USP3: variants seen among roughly 807,000 people sequenced by gnomAD.
The protein encoded by USP3 is ubiquitin carboxyl-terminal hydrolase 3.
USP3 carries 20 observed loss-of-function variants against 72.3 expected under a neutral mutation model. The observed-to-expected ratio is 0.28, with a 90% confidence interval of 0.19 to 0.40. The LOEUF is 0.40. Ranked by LOEUF, USP3 falls within the 10% of genes least tolerant of loss-of-function variation. The probability of loss-of-function intolerance (pLI) is 1.00; values close to 1 mark genes in which losing one functional copy is unlikely to be tolerated. For missense variants in USP3, 479 were observed against 633.9 expected (o/e 0.76, Z 2.62); for synonymous variants, 222 against 225.3 (o/e 0.99, Z 0.13).
At chr15:63,511,856 T>G (rs1191777291) in intron 1 of USP3, among the ~76,000 whole-genome samples, 2 of 152,174 alleles carry the variant, frequency 1.3e-5, no homozygotes, top group African/African-American at 4.8e-5. Flanking sequence ...CAGTATACTT[T>G]GTTGATTCCA....
chr15:63,585,077 A>G (rs1475873950), intron 11 of USP3, among the ~76,000 whole-genome samples: 1 of 152,014 alleles, frequency 6.6e-6, no homozygotes, highest in Non-Finnish European at 1.5e-5. Context: ...AGTTTTTTTC[A>G]TTGGTCTGTA....
intron 11 of USP3, among the ~76,000 whole-genome samples, chr15:63,580,548 C>T (rs1369489457): frequency 6.7e-6 from 1 of 149,694 alleles, no homozygotes; most frequent in Non-Finnish European, 1.5e-5. Context: ...CATAGAGATG[C>T]TGTTTTAACA....
chr15:63,579,905 G>A (rs1228398324), intron 11 of USP3, among the ~76,000 whole-genome samples: 1 of 152,194 alleles, frequency 6.6e-6, no homozygotes, highest in African/African-American at 2.4e-5. Context: ...ATGGATGTCA[G>A]TGGAAGAGGA....
intron 14 of USP3, among the ~76,000 whole-genome samples, chr15:63,589,793 T>A (rs945090075): frequency 6.7e-6 from 1 of 148,774 alleles, no homozygotes; most frequent in Non-Finnish European, 1.5e-5. Flanking sequence ...ATGATTTCTG[T>A]CTGTGTTTCT....
At position 63,540,924 on chromosome 15, in the gene USP3, C is replaced by T. The variant is rs150850744; in HGVS notation, c.284+3768C>T. On this transcript the variant is annotated intron_variant, in intron 3 of 14. Transcript: ENST00000380324. ...AGGTAATATTTCATTTGCTCCCATC[C>T]CAATTTCCCTCCCTTAACCAATACA... is the stretch of plus-strand genomic sequence containing the variant. Among the ~76,000 whole-genome samples the T allele has an allele frequency of 1.4e-3, 209 of 152,258 alleles. 3 individuals are homozygous for T. Among genetic ancestry groups the T allele is most frequent in the African/African-American group, 4.7e-3 (196 of 41,544 alleles).
intron 11 of USP3, among the ~76,000 whole-genome samples, chr15:63,583,654 T>G (rs1448379708): frequency 2.0e-5 from 3 of 152,242 alleles, no homozygotes; most frequent in East Asian, 3.8e-4. Flanking sequence ...TTTCCTCTCT[T>G]GTTCCCAGTA....
chr15:63,517,696 G>T (rs1191735400), intron 1 of USP3, among the ~76,000 whole-genome samples: 4 of 152,126 alleles, frequency 2.6e-5, no homozygotes, highest in Non-Finnish European at 5.9e-5. Flanking sequence ...GATGTTCTGA[G>T]ATCAGATTGC....
At chr15:63,589,756 T>G (rs988990834) in intron 14 of USP3, among the ~76,000 whole-genome samples, 7 of 150,678 alleles carry the variant, frequency 4.6e-5, no homozygotes, top group African/African-American at 1.5e-4. Flanking sequence ...TTCCTGGATC[T>G]CCCTTCCACA....
intron 11 of USP3, among the ~76,000 whole-genome samples, chr15:63,580,920 T>C (rs1346197013): frequency 6.6e-6 from 1 of 151,804 alleles, no homozygotes; most frequent in South Asian, 2.1e-4. Flanking sequence ...GCGATTCTCC[T>C]GCCTCAGCCT....
intron 6 of USP3, 37 bp downstream of exon 6, chr15:63,558,225 A>C: frequency 6.2e-7 from 1 of 1,610,108 alleles, no homozygotes; most frequent in Non-Finnish European, 8.5e-7. Context: ...TCTGACATTA[A>C]AGGTTAAGAG....
intron 2 of USP3, 25 bp from the exon 3 acceptor site, chr15:63,537,000 T>C (rs1281858105): frequency 6.2e-7 from 1 of 1,600,184 alleles, no homozygotes; most frequent in South Asian, 1.1e-5. Context: ...ATATTTAAAG[T>C]AAATTTTCAT....
intron 8 of USP3, among the ~76,000 whole-genome samples, chr15:63,569,565 A>G (rs554992104): frequency 6.4e-4 from 98 of 152,354 alleles, no homozygotes; most frequent in African/African-American, 2.1e-3. Context: ...GATTAATTAA[A>G]GAGACCTTCC....
At chr15:63,536,496 T>G (rs1386099898) in intron 2 of USP3, among the ~76,000 whole-genome samples, 1 of 151,940 alleles carries the variant, frequency 6.6e-6, no homozygotes, top group Non-Finnish European at 1.5e-5. Flanking sequence ...GCAAAGGAGT[T>G]TATAAATAAT....
chr15:63,548,191 G>A (rs186917249), intron 3 of USP3, among the ~76,000 whole-genome samples: 31 of 149,734 alleles, frequency 2.1e-4, no homozygotes, highest in African/African-American at 6.9e-4. Context: ...GTGTAGTGAT[G>A]TGATCACAGC....
chr15:63,578,176 C>T lies in USP3; in HGVS notation c.1096+3773C>T, dbSNP rs117264693. Reference sequence around the variant, plus strand: ...CTGTAGTCCCAGCTCCTCGGGAGGCCAAGGCAGAATAATGGCTTGAACCGG... The same window carrying T: ...CTGTAGTCCCAGCTCCTCGGGAGGCTAAGGCAGAATAATGGCTTGAACCGG... On this transcript the variant is annotated intron_variant, in intron 11 of 14. Transcript: ENST00000380324. 9.9e-3 allele frequency among the ~76,000 whole-genome samples: 1,506 copies of T among 151,888 alleles called. 15 individuals carry two copies. The highest frequency in any genetic ancestry group is 0.017 in the Non-Finnish European group (1,179 of 67,926).
chr15:63,547,888 G>GAGAGAGGCAT (rs1555446529), intron 3 of USP3, among the ~76,000 whole-genome samples: 1,027 of 73,266 alleles, frequency 0.014, 157 homozygotes, highest in African/African-American at 0.046. Context: ...GAGAGAGAGA[G>GAGAGAGGCAT]AGAGAGAGGC....
chr15:63,526,522 G>A (rs1445237729), intron 1 of USP3, among the ~76,000 whole-genome samples: 1 of 152,176 alleles, frequency 6.6e-6, no homozygotes, highest in Non-Finnish European at 1.5e-5. Flanking sequence ...ACATATCCTA[G>A]ATGTTTCCTT....
intron 3 of USP3, among the ~76,000 whole-genome samples, chr15:63,552,522 C>G (rs1336750165): frequency 6.6e-6 from 1 of 152,086 alleles, no homozygotes; most frequent in East Asian, 1.9e-4. Context: ...TGGGAATTGA[C>G]TTTAGACGCT....
intron 11 of USP3, among the ~76,000 whole-genome samples, chr15:63,581,423 GC>G (rs2066960259): frequency 6.8e-6 from 1 of 147,334 alleles, no homozygotes; most frequent in African/African-American, 2.5e-5. Flanking sequence ...TTGCTCTGTT[GC>G]CCAGGCTAGA....
Sources: allele counts gnomAD v4.1 joint callset (sites outside exome capture counted in the v4.1 genomes callset), GRCh38; gene constraint gnomAD v4.1.1; transcripts MANE v1.5; gene names NCBI Gene and HGNC (gene_info 2026-07-23, HGNC 2026-07-21).